Variants in TRAF3IP1 observed in about 807,000 individuals in gnomAD.
TRAF3IP1 encodes TRAF3-interacting protein 1.
TRAF3IP1 carries 53 observed loss-of-function variants against 89.9 expected under a neutral mutation model. The observed-to-expected ratio is 0.59, with a 90% CI of 0.47 to 0.74. The LOEUF is 0.74. TRAF3IP1 is among the 30% of genes least tolerant of loss of function. The probability of loss-of-function intolerance (pLI) is 0.00; values close to 1 mark genes in which losing one functional copy is unlikely to be tolerated. For synonymous variants in TRAF3IP1, 311 were observed against 322.1 expected (o/e 0.97, Z 0.37); for missense variants, 806 against 866.1 (o/e 0.93, Z 0.87).
chr2:238,342,405 T>A (rs144603777), intron 8 of TRAF3IP1, among the ~76,000 whole-genome samples: 12 of 152,336 alleles, frequency 7.9e-5, no homozygotes, highest in African/African-American at 2.9e-4. Context: ...ATTAGTGAGC[T>A]ATAGTCTGTT....
intron 15 of TRAF3IP1, among the ~76,000 whole-genome samples, chr2:238,383,056 C>A (rs531791938): frequency 6.6e-6 from 1 of 152,196 alleles, no homozygotes; most frequent in Non-Finnish European, 1.5e-5. Flanking sequence ...CACTGTCCTC[C>A]AGCCTGCAGC....
At chr2:238,373,678 T>C (rs1468875162) in intron 15 of TRAF3IP1, among the ~76,000 whole-genome samples, 2 of 152,226 alleles carry the variant, frequency 1.3e-5, no homozygotes, top group East Asian at 1.9e-4. Context: ...AGAAAGTCTT[T>C]GGTAGCTTGA....
intron 15 of TRAF3IP1, among the ~76,000 whole-genome samples, chr2:238,394,672 T>C (rs899173329): frequency 1.3e-5 from 2 of 152,246 alleles, no homozygotes; most frequent in Admixed American, 6.5e-5. Flanking sequence ...ATTAGTTGTA[T>C]GAGTTTTACG....
At chr2:238,344,439 G>C in intron 8 of TRAF3IP1, 58 bp from the exon 9 acceptor site, 1 of 1,378,916 alleles carries the variant, frequency 7.3e-7, no homozygotes, top group Non-Finnish European at 1.0e-6. Context: ...TGAAGCCGCT[G>C]ATCACCGGCC....
At chr2:238,381,963 C>G (rs1700569979) in intron 15 of TRAF3IP1, among the ~76,000 whole-genome samples, 1 of 152,150 alleles carries the variant, frequency 6.6e-6, no homozygotes, top group African/African-American at 2.4e-5. Flanking sequence ...CAAGGAGGGA[C>G]TGTTACAGAA....
At chr2:238,393,862 G>A (rs1304820820) in intron 15 of TRAF3IP1, among the ~76,000 whole-genome samples, 7 of 152,122 alleles carry the variant, frequency 4.6e-5, no homozygotes, top group Non-Finnish European at 7.3e-5. Context: ...TTTGATCTAT[G>A]TCCCTCTGTC....
chr2:238,367,251 G>A (rs1699923441), intron 15 of TRAF3IP1, among the ~76,000 whole-genome samples: 1 of 145,838 alleles, frequency 6.9e-6, no homozygotes, highest in African/African-American at 2.5e-5. Context: ...ACTAAACAAT[G>A]CCCCAGCTCA....
chr2:238,343,436 T>A (rs1369808002), intron 8 of TRAF3IP1, among the ~76,000 whole-genome samples: 1 of 150,882 alleles, frequency 6.6e-6, no homozygotes, highest in African/African-American at 2.4e-5. Flanking sequence ...GGCTGGAGAG[T>A]GGTGGCATGA....
intron 15 of TRAF3IP1, among the ~76,000 whole-genome samples, chr2:238,363,227 C>G (rs1699735304): frequency 6.6e-6 from 1 of 152,140 alleles, no homozygotes; most frequent in Non-Finnish European, 1.5e-5. Context: ...TGGGCATTGA[C>G]TTTTCCTAGT....
Position 238,355,928 on chromosome 2 carries a change from A to G in TRAF3IP1, c.1613-76A>G, listed in dbSNP as rs1323121992. 1.7e-5 allele frequency: 18 copies of G among 1,038,858 alleles called. No individual in the cohort carries two copies. The Middle Eastern group carries it at 6.2e-4, about 36-fold the overall frequency. The allele number at this position is 1,038,858 out of a possible 1,614,324, so 64.4% of individuals were successfully genotyped here. ...AGGATAAAAACTTAGTGTTTTTCCC[A>G]CCATCCCACCCATTTAGAATAGGTT... On this transcript the variant is annotated intron_variant, in intron 14 of 16. Coordinates refer to ENST00000373327, the MANE Select transcript of TRAF3IP1 (RefSeq NM_015650.4).
intron 15 of TRAF3IP1, among the ~76,000 whole-genome samples, chr2:238,374,453 GC>G (rs1325103578): frequency 6.6e-6 from 1 of 152,180 alleles, no homozygotes; most frequent in African/African-American, 2.4e-5. Flanking sequence ...TGTTGAACCA[GC>G]CTTGCATCCC....
In TRAF3IP1 at chr2:238,396,272, C is replaced by T. The variant is rs188270285; in HGVS notation, c.1690-1187C>T. Among the ~76,000 whole-genome samples the T allele has an allele frequency of 2.3e-3, 346 of 150,928 alleles. 2 individuals are homozygous for T. Among genetic ancestry groups the T allele is most frequent in the African/African-American group, 7.9e-3 (323 of 41,056 alleles). On this transcript the variant is annotated intron_variant, in intron 15 of 16. Coordinates refer to ENST00000373327, the MANE Select transcript of TRAF3IP1 (RefSeq NM_015650.4). Reference sequence around the variant, plus strand: ...GAAACCATCATTCTCAGCAAACTGTCGCAAGGACAAAAAACCAAACACTGC... The same window carrying T: ...GAAACCATCATTCTCAGCAAACTGTTGCAAGGACAAAAAACCAAACACTGC...
chr2:238,389,748 A>AAATAAT (rs71905391), intron 15 of TRAF3IP1, among the ~76,000 whole-genome samples: 1,784 of 146,334 alleles, frequency 0.012, 13 homozygotes, highest in African/African-American at 0.026. Flanking sequence ...ACTCCATCTC[A>AAATAAT]AATAATAATA....
At chr2:238,373,599 T>C (rs1373143337) in intron 15 of TRAF3IP1, among the ~76,000 whole-genome samples, 1 of 152,212 alleles carries the variant, frequency 6.6e-6, no homozygotes, top group Admixed American at 6.5e-5. Context: ...TTGCTTAGGA[T>C]CGTCTTGGCA....
At position 238,396,261 on chromosome 2, in the gene TRAF3IP1, C is replaced by T. The variant is rs564427869; in HGVS notation, c.1690-1198C>T. ...GGATGAAACTAGAAACCATCATTCT[C>T]AGCAAACTGTCGCAAGGACAAAAAA... On this transcript the variant is annotated intron_variant, in intron 15 of 16. Coordinates refer to ENST00000373327, the MANE Select transcript of TRAF3IP1 (RefSeq NM_015650.4). Among the ~76,000 whole-genome samples, 73 of 151,580 alleles carry T rather than the reference C, an allele frequency of 4.8e-4. 1 individual carries two copies. The highest frequency in any genetic ancestry group is 9.3e-4 in the Non-Finnish European group (63 of 67,980).
At chr2:238,321,199 T>C (rs927715263) in intron 1 of TRAF3IP1, among the ~76,000 whole-genome samples, 2 of 152,204 alleles carry the variant, frequency 1.3e-5, no homozygotes, top group Admixed American at 6.5e-5. Context: ...TTCTTACTTC[T>C]TCCCTGCCTG....
At chr2:238,348,874 C>T (rs758069976) in intron 11 of TRAF3IP1, 26 bp downstream of exon 11, 1 of 1,600,432 alleles carries the variant, frequency 6.2e-7, no homozygotes, top group South Asian at 1.1e-5. Flanking sequence ...ATCCCTTTCC[C>T]TCAGCAGAGT....
intron 13 of TRAF3IP1, 101 bp from the exon 14 acceptor site, chr2:238,353,072 C>T (rs1699244692): frequency 6.4e-7 from 1 of 1,554,124 alleles, no homozygotes; most frequent in Non-Finnish European, 8.8e-7. Context: ...AGTTTTCTAC[C>T]TTCGTTAATT....
At position 238,368,362 on chromosome 2, in the gene TRAF3IP1, G is replaced by C. The variant is rs532939311; in HGVS notation, c.1689+12282G>C. 5.8e-4 allele frequency among the ~76,000 whole-genome samples: 88 copies of C among 152,296 alleles called. 1 individual carries two copies. Among genetic ancestry groups the C allele is most frequent in the Admixed American group, 2.1e-3 (32 of 15,292 alleles). On this transcript the variant is annotated intron_variant, in intron 15 of 16. Transcript: ENST00000373327. ...AAAATGCTTCGATTTCCTATTTATA[G>C]CAGTGATGCATATATAATTTTTCAT...
Sources: allele counts gnomAD v4.1 joint callset (sites outside exome capture counted in the v4.1 genomes callset), GRCh38; gene constraint gnomAD v4.1.1; transcripts MANE v1.5; gene names NCBI Gene and HGNC (gene_info 2026-07-23, HGNC 2026-07-21).